DCHS2: variants seen among roughly 807,000 people sequenced by gnomAD.
DCHS2 encodes protocadherin-23.
DCHS2 carries 142 observed loss-of-function variants against 182.4 expected under a neutral mutation model. The observed-to-expected ratio is 0.78, with a 90% CI of 0.68 to 0.89. The LOEUF is 0.89. DCHS2 is among the 40% of genes least tolerant of loss of function. The pLI, the probability that DCHS2 is intolerant of heterozygous loss-of-function variation, is 0.00. For synonymous variants in DCHS2, 1,740 were observed against 1,663.3 expected, an observed-to-expected ratio of 1.05 and a Z score of -1.12; for missense variants, 4,319 against 4,198.6, an observed-to-expected ratio of 1.03 and a Z score of -0.79.
At chr4:154,261,496 G>A (rs796919023) in intron 14 of DCHS2, among the ~76,000 whole-genome samples, 40 of 152,262 alleles carry the variant, frequency 2.6e-4, no homozygotes, top group African/African-American at 6.7e-4. Context: ...ACTATGTTCC[G>A]TAACTATGGC....
rs574666790 is a variant in DCHS2, at chr4:154,276,888, C to G, written c.6464-6875G>C. 2.6e-5 allele frequency among the ~76,000 whole-genome samples: 4 copies of G among 152,246 alleles called. No homozygotes were observed. The East Asian group carries it at 7.7e-4, about 29-fold the overall frequency. Reference sequence around the variant, plus strand: ...CCCAGTGGACATTCCCCTAAGCTAGCAACAGTGCTAGTGAAATTCTTTTGT... The same window carrying G: ...CCCAGTGGACATTCCCCTAAGCTAGGAACAGTGCTAGTGAAATTCTTTTGT... On this transcript the variant is annotated intron_variant, in intron 13 of 19. Coordinates refer to ENST00000357232, the MANE Select transcript of DCHS2 (RefSeq NM_001358235.2).
chr4:154,364,177 T>C (rs564381087), intron 3 of DCHS2, among the ~76,000 whole-genome samples: 21 of 152,344 alleles, frequency 1.4e-4, no homozygotes, highest in Admixed American at 9.2e-4. Context: ...CAGAGTGTTT[T>C]CCATGATTAA....
At chr4:154,254,794 G>T (rs1732565609) in intron 16 of DCHS2, among the ~76,000 whole-genome samples, 1 of 151,976 alleles carries the variant, frequency 6.6e-6, no homozygotes, top group Admixed American at 6.6e-5. Context: ...CTGAGATTGT[G>T]CCACTACACT....
At chr4:154,488,507 A>AAAC (rs1728665716) in intron 1 of DCHS2, among the ~76,000 whole-genome samples, 1 of 152,200 alleles carries the variant, frequency 6.6e-6, no homozygotes. Context: ...AAGGTAACTC[A>AAAC]AAACAGTGTC....
In DCHS2 at chr4:154,333,018, C is replaced by T. The variant is rs1480151810; in HGVS notation, c.3190G>A (p.Ala1064Thr). The T allele has an allele frequency of 1.9e-6, 3 of 1,614,172 alleles. No individual in the cohort carries two copies. Among genetic ancestry groups the T allele is most frequent in the East Asian group, 2.2e-5 (1 of 44,862 alleles). ...ACGACTGTCAGCACCAGCAGGGCTG[C>T]CTGAGGATGCACGCCTTGGTCCTCG... ...RAEDQGVHPQ[A>T]ALLVLTVVIE... Residue 1064 changes from alanine to threonine, a missense_variant, in exon 5 of 20, where the codon GCA (alanine) becomes ACA (threonine). Coordinates refer to ENST00000357232, the MANE Select transcript of DCHS2 (RefSeq NM_001358235.2).
At chr4:154,417,153 T>G (rs1732868116) in intron 1 of DCHS2, among the ~76,000 whole-genome samples, 1 of 129,312 alleles carries the variant, frequency 7.7e-6, no homozygotes. Flanking sequence ...CTCAGGCCGG[T>G]CCCGAGTGTG....
rs1367126505 is a variant in DCHS2 at position 154,235,360 on chromosome 4, C to T, written c.9292G>A (p.Glu3098Lys). ...HSNSSGHCSV[E>K]GETAEDKEIQ... ...TCCTTATCTTCTGCAGTTTCTCCTT[C>T]CACAGAACAGTGGCCACTGGAGTTT... Residue 3098 changes from glutamate to lysine, a missense_variant, in exon 20 of 20, where the codon GAA becomes AAA. Glu to Lys is a moderately conservative substitution (Grantham distance 56). Coordinates refer to ENST00000357232, the MANE Select transcript of DCHS2 (RefSeq NM_001358235.2). 2 of 1,613,926 alleles carry T rather than the reference C, an allele frequency of 1.2e-6. No homozygotes were observed. The highest frequency in any genetic ancestry group is 2.2e-5 in the South Asian group (2 of 91,074).
intron 10 of DCHS2, among the ~76,000 whole-genome samples, chr4:154,307,590 G>T (rs768744627): frequency 1.9e-4 from 29 of 152,058 alleles, no homozygotes; most frequent in Non-Finnish European, 3.5e-4. Flanking sequence ...TATTCCTCTA[G>T]CAACCTTGCA....
intron 1 of DCHS2, among the ~76,000 whole-genome samples, chr4:154,409,729 G>A (rs1011473878): frequency 6.6e-6 from 1 of 152,038 alleles, no homozygotes; most frequent in African/African-American, 2.4e-5. Context: ...GTTGCTTAAG[G>A]GTCATGTCAG....
intron 1 of DCHS2, among the ~76,000 whole-genome samples, chr4:154,427,652 T>C (rs181223488): frequency 2.0e-5 from 3 of 152,278 alleles, no homozygotes; most frequent in Admixed American, 6.5e-5. Context: ...TTAGTCTTAT[T>C]GAAGTAAAAG....
At chr4:154,375,215 T>C (rs1730834328) in intron 2 of DCHS2, among the ~76,000 whole-genome samples, 1 of 151,648 alleles carries the variant, frequency 6.6e-6, no homozygotes, top group Non-Finnish European at 1.5e-5. Context: ...AAAACAAAAG[T>C]TTTGGAAGAA....
chr4:154,307,736 G>A (rs1294102170), intron 10 of DCHS2, among the ~76,000 whole-genome samples: 1 of 152,116 alleles, frequency 6.6e-6, no homozygotes, highest in Admixed American at 6.5e-5. Context: ...CAACAGCATG[G>A]ATTGAGACAA....
At chr4:154,368,852 G>C (rs1268940799) in intron 2 of DCHS2, among the ~76,000 whole-genome samples, 1 of 152,192 alleles carries the variant, frequency 6.6e-6, no homozygotes, top group Non-Finnish European at 1.5e-5. Flanking sequence ...GCTAGAGAGG[G>C]CTGGGCATTT....
chr4:154,397,902 GA>G (rs772398336), intron 1 of DCHS2, among the ~76,000 whole-genome samples: 90 of 152,290 alleles, frequency 5.9e-4, no homozygotes, highest in Non-Finnish European at 9.9e-4. Flanking sequence ...CAAAATCTCA[GA>G]ATATCTGCTC....
chr4:154,360,968 T>G (rs1730090611), intron 3 of DCHS2, among the ~76,000 whole-genome samples: 1 of 152,180 alleles, frequency 6.6e-6, no homozygotes, highest in Admixed American at 6.6e-5. Flanking sequence ...TATTCACTGA[T>G]GTATCCCAAA....
At chr4:154,459,737 TCTCTCTCTC>T (rs1350502423) in intron 1 of DCHS2, among the ~76,000 whole-genome samples, 2 of 3,408 alleles carry the variant, frequency 5.9e-4, no homozygotes, top group Non-Finnish European at 3.2e-3. Context: ...CTACACATTC[TCTCTCTCTC>T]TCTCTCTCTC....
rs1388746756 is a variant in DCHS2 at position 154,238,626 on chromosome 4, C to T, written c.7492+544G>A. Reference sequence around the variant, plus strand: ...TGGTCTCTGATAAAAAGACAAAAAGCCTTGGGAAGCATCAAATAAACCAAA... The same window carrying T: ...TGGTCTCTGATAAAAAGACAAAAAGTCTTGGGAAGCATCAAATAAACCAAA... On this transcript the variant is annotated intron_variant, in intron 19 of 19. Coordinates refer to ENST00000357232, the MANE Select transcript of DCHS2 (RefSeq NM_001358235.2). 3.3e-5 allele frequency among the ~76,000 whole-genome samples: 5 copies of T among 152,264 alleles called. No individual in the cohort carries two copies. The South Asian group carries it at 1.0e-3, about 32-fold the overall frequency.
At chr4:154,407,650 C>T (rs892324133) in intron 1 of DCHS2, among the ~76,000 whole-genome samples, 1 of 152,124 alleles carries the variant, frequency 6.6e-6, no homozygotes, top group African/African-American at 2.4e-5. Context: ...CTCTGAAAAT[C>T]CCCCACTATG....
chr4:154,364,518 T>C (rs1443415281), intron 3 of DCHS2, among the ~76,000 whole-genome samples: 1 of 152,234 alleles, frequency 6.6e-6, no homozygotes, highest in East Asian at 1.9e-4. Context: ...CCCGCAAAAG[T>C]ATTTTCTTCT....
Sources: gnomAD v4.1 joint callset for allele counts (sites outside exome capture counted in the v4.1 genomes callset) on GRCh38, gnomAD v4.1.1 for gene constraint, MANE v1.5 for transcripts, NCBI Gene and HGNC (gene_info 2026-07-23, HGNC 2026-07-21) for gene names.